The following CPSF6 variants were observed in gnomAD, a reference collection of about 807,000 sequenced individuals.
CPSF6 encodes the protein cleavage and polyadenylation specificity factor subunit 6.
A neutral mutation model predicts 56.7 loss-of-function variants in CPSF6; 10 were observed. The observed-to-expected ratio is 0.18, with a 90% confidence interval of 0.11 to 0.30. The LOEUF (loss-of-function observed/expected upper bound fraction) is 0.30, where lower values mean the gene tolerates loss of function less well. CPSF6 is among the 10% of genes least tolerant of loss of function. The probability of loss-of-function intolerance (pLI) is 1.00; values close to 1 mark genes in which losing one functional copy is unlikely to be tolerated. For missense variants in CPSF6, 419 were observed against 722.9 expected (o/e 0.58, Z 4.82); for synonymous variants, 248 against 244.8 (o/e 1.01, Z -0.12).
Position 69,273,757 on chromosome 12 carries a change from G to A in CPSF6, c.*4249G>A, listed in dbSNP as rs761689180. 2 of 151,832 alleles carry A rather than the reference G, an allele frequency of 1.3e-5. No individual in the cohort carries two copies. The highest frequency in any genetic ancestry group is 2.1e-4 in the South Asian group (1 of 4,814). 9.4% of individuals were successfully genotyped at this position (151,832 alleles called of 1,614,324 possible). Reference sequence around the variant, plus strand: ...TATTTAATGGGAAAGGATCCTTTGGGTATAAATCATAATGTATTTTAAGGA... The same window carrying A: ...TATTTAATGGGAAAGGATCCTTTGGATATAAATCATAATGTATTTTAAGGA... On this transcript the variant is annotated 3_prime_UTR_variant, in exon 10 of 10. Transcript: ENST00000435070.
At chr12:69,262,247 G>T in intron 8 of CPSF6, 126 bp from the exon 9 acceptor site, 1 of 1,189,738 alleles carries the variant, frequency 8.4e-7, no homozygotes, top group East Asian at 2.6e-5. Context: ...GGCAGCTCAG[G>T]ATAGTAAGTT....
intron 9 of CPSF6, among the ~76,000 whole-genome samples, chr12:69,262,893 A>G (rs1380617905): frequency 6.6e-6 from 1 of 152,202 alleles, no homozygotes; most frequent in African/African-American, 2.4e-5. Flanking sequence ...CATAGGTTGC[A>G]TGCAATTTAA....
intron 2 of CPSF6, among the ~76,000 whole-genome samples, chr12:69,252,829 A>G (rs1429121135): frequency 6.6e-6 from 1 of 152,164 alleles, no homozygotes; most frequent in Non-Finnish European, 1.5e-5. Context: ...AAGGGTATAT[A>G]CCTTCTAGTT....
chr12:69,268,236 A>G (rs2120646038), intron 9 of CPSF6, among the ~76,000 whole-genome samples: 1 of 151,978 alleles, frequency 6.6e-6, no homozygotes, highest in East Asian at 1.9e-4. Context: ...AGCTTCATCA[A>G]CATAAGATGA....
chr12:69,253,217 T>A, intron 3 of CPSF6, 63 bp downstream of exon 3: 1 of 859,866 alleles, frequency 1.2e-6, no homozygotes. Flanking sequence ...ACAAGTTAAC[T>A]TTCCTTTAAG....
chr12:69,256,539 G>C (rs1048046070), intron 3 of CPSF6, among the ~76,000 whole-genome samples, 158 bp from the exon 4 acceptor site: 5 of 152,094 alleles, frequency 3.3e-5, no homozygotes, highest in African/African-American at 1.2e-4. Context: ...AGCAATCCTC[G>C]TGCCTCAACC....
At position 69,259,485 on chromosome 12, in the gene CPSF6, T is replaced by C. The variant is rs1347073755; in HGVS notation, c.1257T>C (p.Asn419=). Residue 419 remains asparagine (N), a synonymous_variant, in exon 7 of 10, where the codon AAT becomes AAC. Coordinates refer to ENST00000435070, the MANE Select transcript of CPSF6 (RefSeq NM_007007.3). ...LSEAEFEEIM[N]RNRAISSSAI... ...AAGCTGAATTTGAAGAAATCATGAATAGAAATAGGGCAATCTCAAGCAGTG... is the reference window on the plus strand; with the variant it reads ...AAGCTGAATTTGAAGAAATCATGAACAGAAATAGGGCAATCTCAAGCAGTG... 1.9e-6 allele frequency: 3 copies of C among 1,613,954 alleles called. No homozygotes were observed. Among genetic ancestry groups the C allele is most frequent in the Non-Finnish European group, 2.5e-6 (3 of 1,179,878 alleles).
intron 9 of CPSF6, among the ~76,000 whole-genome samples, chr12:69,266,951 T>A (rs190203326): frequency 6.6e-6 from 1 of 152,086 alleles, no homozygotes; most frequent in Non-Finnish European, 1.5e-5. Context: ...ACTAGAATTG[T>A]TTTTATGTAA....
chr12:69,254,141 T>C (rs1412689624), intron 3 of CPSF6, among the ~76,000 whole-genome samples: 1 of 152,034 alleles, frequency 6.6e-6, no homozygotes, highest in Admixed American at 6.6e-5. Context: ...ACTGGAAGTA[T>C]AGACTGCCCC....
chr12:69,251,032 A>G lies in CPSF6; in HGVS notation c.61-97A>G, dbSNP rs900862165. Reference sequence around the variant, plus strand: ...GTACTGAAATCCTTGGCCTTTTTCCATCAGATTTTTAAAACAAAAAGTTGA... The same window carrying G: ...GTACTGAAATCCTTGGCCTTTTTCCGTCAGATTTTTAAAACAAAAAGTTGA... On this transcript the variant is annotated intron_variant, in intron 1 of 9. Coordinates refer to ENST00000435070, the MANE Select transcript of CPSF6 (RefSeq NM_007007.3). The G allele has an allele frequency of 5.8e-6, 7 of 1,216,510 alleles. No homozygotes were observed. The African/African-American group carries it at 6.1e-5, about 11-fold the overall frequency. The allele number at this position is 1,216,510 out of a possible 1,614,324, so 75.4% of individuals were successfully genotyped here. A position where few individuals can be genotyped will look rare whatever the true frequency, so the allele number is the denominator to read the frequency against.
rs182303461 is a variant in CPSF6 at position 69,263,030 on chromosome 12, A to G, written c.*3+468A>G. ...AAAATTTATGAGAAAATCTAACACA[A>G]TAATAGTTTATAATACAGGAGGGTG... On this transcript the variant is annotated intron_variant, in intron 9 of 9. Transcript: ENST00000435070. 2.0e-3 allele frequency among the ~76,000 whole-genome samples: 301 copies of G among 152,234 alleles called. 1 individual carries two copies. The highest frequency in any genetic ancestry group is 0.016 in the Admixed American group (238 of 15,292).
At chr12:69,262,756 A>G (rs1872801581) in intron 9 of CPSF6, among the ~76,000 whole-genome samples, 194 bp downstream of exon 9, 1 of 152,176 alleles carries the variant, frequency 6.6e-6, no homozygotes, top group Non-Finnish European at 1.5e-5. Context: ...TATCTTATGA[A>G]TATTTTATTG....
chr12:69,252,999 TA>T, intron 2 of CPSF6, 51 bp from the exon 3 acceptor site: 1 of 1,058,686 alleles, frequency 9.4e-7, no homozygotes, highest in Non-Finnish European at 1.4e-6. Context: ...ACTGGGATAA[TA>T]AAAATCTTGG....
intron 9 of CPSF6, among the ~76,000 whole-genome samples, chr12:69,267,729 T>G (rs966576368): frequency 2.0e-5 from 3 of 151,876 alleles, no homozygotes; most frequent in African/African-American, 7.2e-5. Context: ...AAATAAAAAC[T>G]GCTAGACTAT....
intron 1 of CPSF6, among the ~76,000 whole-genome samples, chr12:69,247,825 G>C (rs765171762): frequency 2.6e-5 from 4 of 152,190 alleles, no homozygotes; most frequent in African/African-American, 7.2e-5. Context: ...AACTACAAAA[G>C]AGTGTGCTTT....
rs372739385 is a variant in CPSF6 at position 69,250,608 on chromosome 12, G to A, written c.61-521G>A. ...GTCTCTACAAAAAAAAAAAAAAAAA[G>A]AAAAAAAAGAAAAGAAATAAAGGAA... On this transcript the variant is annotated intron_variant, in intron 1 of 9. Transcript: ENST00000435070. Among the ~76,000 whole-genome samples, 684 of 133,068 alleles carry A rather than the reference G, an allele frequency of 5.1e-3. 26 individuals are homozygous for A. Among genetic ancestry groups the A allele is most frequent in the Non-Finnish European group, 6.5e-3 (411 of 63,382 alleles). 87.3% of individuals were successfully genotyped at this position (133,068 alleles called of 152,430 possible). A position where few individuals can be genotyped will look rare whatever the true frequency, so the allele number is the denominator to read the frequency against.
intron 9 of CPSF6, among the ~76,000 whole-genome samples, chr12:69,266,140 C>A (rs73335776): frequency 0.023 from 3,456 of 151,768 alleles, 136 homozygotes; most frequent in African/African-American, 0.078. Flanking sequence ...CTCTTAATTA[C>A]CTGGTGAATG....
chr12:69,245,828 A>G (rs1171044591), intron 1 of CPSF6, among the ~76,000 whole-genome samples: 1 of 152,212 alleles, frequency 6.6e-6, no homozygotes, highest in African/African-American at 2.4e-5. Context: ...GCTCATGCCT[A>G]TAATTCCAGC....
chr12:69,267,630 A>G (rs1873053714), intron 9 of CPSF6, among the ~76,000 whole-genome samples: 1 of 151,942 alleles, frequency 6.6e-6, no homozygotes, highest in South Asian at 2.1e-4. Context: ...ATTATTGGAA[A>G]TGGGTTGTAT....
Sources: allele counts gnomAD v4.1 joint callset (sites outside exome capture counted in the v4.1 genomes callset), GRCh38; gene constraint gnomAD v4.1.1; transcripts MANE v1.5; gene names NCBI Gene and HGNC (gene_info 2026-07-23, HGNC 2026-07-21).